Variants in SAMD3 observed in about 807,000 individuals in gnomAD.
The protein encoded by SAMD3 is sterile alpha motif domain containing 3, also known as sterile alpha motif domain-containing protein 3.
Under a neutral mutation model 58.5 loss-of-function variants are expected in SAMD3, and 63 were observed. That is an observed-to-expected ratio of 1.08 (90% CI 0.88 to 1.33). SAMD3 has a LOEUF of 1.33. SAMD3 is among the 40% of genes most tolerant of loss of function. The probability of loss-of-function intolerance (pLI) is 0.00; values close to 1 mark genes in which losing one functional copy is unlikely to be tolerated. For synonymous variants in SAMD3, 220 were observed against 210.3 expected (o/e 1.05, Z -0.40); for missense variants, 604 against 608.4 (o/e 0.99, Z 0.08).
intron 2 of SAMD3, among the ~76,000 whole-genome samples, chr6:130,239,781 ACTTCT>A (rs1773290513): frequency 6.6e-6 from 1 of 152,166 alleles, no homozygotes; most frequent in Non-Finnish European, 1.5e-5. Flanking sequence ...TTTGCTCCAA[ACTTCT>A]CTTCTTTCCT....
intron 1 of SAMD3, among the ~76,000 whole-genome samples, chr6:130,350,761 C>G (rs906718771): frequency 2.6e-5 from 4 of 152,236 alleles, no homozygotes; most frequent in African/African-American, 4.8e-5. Context: ...CCCACATTGC[C>G]AAGACAATCT....
At chr6:130,347,680 C>T (rs144285468) in intron 1 of SAMD3, among the ~76,000 whole-genome samples, 68 of 152,156 alleles carry the variant, frequency 4.5e-4, no homozygotes, top group African/African-American at 1.3e-3. Context: ...AGAACTTCCC[C>T]AATCTAGTAA....
chr6:130,207,148 C>A (rs1303414834), intron 5 of SAMD3, among the ~76,000 whole-genome samples: 1 of 127,596 alleles, frequency 7.8e-6, no homozygotes, highest in Admixed American at 8.0e-5. Flanking sequence ...TGGTGATAGA[C>A]CCCATCTCAT....
At chr6:130,262,827 T>C (rs1774191472) in intron 2 of SAMD3, among the ~76,000 whole-genome samples, 1 of 152,174 alleles carries the variant, frequency 6.6e-6, no homozygotes, top group African/African-American at 2.4e-5. Context: ...TTCAAAATGT[T>C]AATTGAAAAA....
chr6:130,159,193 T>A (rs1046447457), intron 8 of SAMD3, among the ~76,000 whole-genome samples: 3 of 152,162 alleles, frequency 2.0e-5, no homozygotes, highest in African/African-American at 7.2e-5. Flanking sequence ...GTTCTCATGG[T>A]AGTGAATGGG....
At chr6:130,349,301 G>A (rs1248463858) in intron 1 of SAMD3, among the ~76,000 whole-genome samples, 2 of 151,996 alleles carry the variant, frequency 1.3e-5, no homozygotes, top group African/African-American at 4.8e-5. Context: ...ATGGTTTTTT[G>A]AAAAGATCAA....
rs577357657 is a variant in SAMD3 at position 130,316,239 on chromosome 6, C to T, written c.-303-3146G>A. 4.2e-5 allele frequency among the ~76,000 whole-genome samples: 6 copies of T among 142,932 alleles called. 1 individual carries two copies. The highest frequency in any genetic ancestry group is 1.3e-4 in the African/African-American group (5 of 37,960). The allele number at this position is 142,932 out of a possible 152,430, so 93.8% of individuals were successfully genotyped here. ...CTGGGAGGCGGAGGTTGCAGTGAGC[C>T]GAGATCATGGCACTGCATTCCAGCC... On this transcript the variant is annotated intron_variant, in intron 1 of 13. Coordinates refer to the SAMD3 transcript ENST00000368134.
intron 2 of SAMD3, among the ~76,000 whole-genome samples, chr6:130,277,469 A>G (rs1774817006): frequency 6.6e-6 from 1 of 152,230 alleles, no homozygotes; most frequent in Non-Finnish European, 1.5e-5. Context: ...GCTCATTGAC[A>G]CTAATTGATC....
intron 1 of SAMD3, among the ~76,000 whole-genome samples, chr6:130,345,970 G>T (rs533967936): frequency 2.1e-4 from 32 of 152,362 alleles, no homozygotes; most frequent in African/African-American, 7.2e-4. Context: ...GGCTACAAGG[G>T]TAAAAAGCAC....
upstream of SAMD3, among the ~76,000 whole-genome samples, chr6:130,226,693 C>T (rs376048330): frequency 8.9e-4 from 135 of 152,190 alleles, no homozygotes; most frequent in Middle Eastern, 6.8e-3. Context: ...GTGGCAGGCG[C>T]CTGTAATCCC....
intron 2 of SAMD3, among the ~76,000 whole-genome samples, chr6:130,304,505 C>G (rs1368598742): frequency 6.6e-6 from 1 of 152,152 alleles, no homozygotes; most frequent in Non-Finnish European, 1.5e-5. Flanking sequence ...TTGGGCTTCT[C>G]TCTTTAGTTC....
At chr6:130,153,647 C>CAT (rs1196709383) in intron 9 of SAMD3, among the ~76,000 whole-genome samples, 1,188 of 96,698 alleles carry the variant, frequency 0.012, 58 homozygotes, top group African/African-American at 0.035. Flanking sequence ...CATTAAATTT[C>CAT]ATATATATAT....
chr6:130,356,295 C>G (rs997721848), intron 1 of SAMD3, among the ~76,000 whole-genome samples: 1 of 152,204 alleles, frequency 6.6e-6, no homozygotes, highest in Non-Finnish European at 1.5e-5. Flanking sequence ...CCAGAACACT[C>G]TAGCTCAGAG....
chr6:130,224,588 TTTATTTATTA>T (rs1796332663), upstream of SAMD3, among the ~76,000 whole-genome samples: 20 of 136,742 alleles, frequency 1.5e-4, no homozygotes, highest in South Asian at 4.6e-3. Context: ...AAGCACTCTA[TTTATTTATTA>T]TTATTATTAT....
chr6:130,179,853 C>A (rs1167079007), intron 7 of SAMD3, among the ~76,000 whole-genome samples: 1 of 140,364 alleles, frequency 7.1e-6, no homozygotes. Flanking sequence ...CGCTCTTGTC[C>A]CCCAGGCTAG....
rs1273639043 is a variant in SAMD3 at position 130,209,567 on chromosome 6, TC to T, written c.310del (p.Glu104SerfsTer16). ...AGCTGGATAGAAAGATGGCATCTGC[TC>T]CCCATGCCTGGCTGGACTGGAGGAC... ...EESSSPARHGEQMPSFYPAEN... is the reference protein window; with the variant it reads ...EESSSPARHGXQMPSFYPAEN... On this transcript the variant is annotated frameshift_variant, in exon 5 of 12. Coordinates refer to ENST00000439090, the MANE Select transcript of SAMD3 (RefSeq NM_001017373.4). LOFTEE classifies it high-confidence loss of function. 6.2e-7 allele frequency: 1 copy of T among 1,613,844 alleles called. No homozygotes were observed. Among genetic ancestry groups the T allele is most frequent in the South Asian group, 1.1e-5 (1 of 91,066 alleles).
At chr6:130,291,837 T>C (rs971592641) in intron 2 of SAMD3, among the ~76,000 whole-genome samples, 29 of 152,216 alleles carry the variant, frequency 1.9e-4, no homozygotes, top group African/African-American at 7.0e-4. Context: ...AGTGTACATT[T>C]AGTAATTTCC....
chr6:130,165,799 C>T (rs1005196399), intron 8 of SAMD3, among the ~76,000 whole-genome samples: 5 of 152,092 alleles, frequency 3.3e-5, no homozygotes, highest in Non-Finnish European at 5.9e-5. Context: ...TTAAGCATTT[C>T]GGTAAGTATG....
chr6:130,303,593 T>C (rs62433900), intron 2 of SAMD3, among the ~76,000 whole-genome samples: 25,661 of 152,170 alleles, frequency 0.17, 2,421 homozygotes, highest in East Asian at 0.36. Flanking sequence ...ATTTTTTCCT[T>C]TTCTTTAAAA....
Sources: gnomAD v4.1 joint callset for allele counts (sites outside exome capture counted in the v4.1 genomes callset) on GRCh38, gnomAD v4.1.1 for gene constraint, MANE v1.5 for transcripts, NCBI Gene and HGNC (gene_info 2026-07-23, HGNC 2026-07-21) for gene names.